AHCY: variants seen among roughly 807,000 people sequenced by gnomAD.
The protein encoded by AHCY is S-adenosyl-L-homocysteine hydrolase.
In AHCY, 24 loss-of-function variants were observed where a neutral mutation model predicts 45.4. The ratio of observed to expected loss-of-function variants is 0.53; its 90% CI spans 0.38 to 0.74. The LOEUF (loss-of-function observed/expected upper bound fraction) is 0.74, where lower values mean the gene tolerates loss of function less well. AHCY is among the 30% of genes least tolerant of loss of function. The pLI, the probability that AHCY is intolerant of heterozygous loss-of-function variation, is 0.00. For synonymous variants in AHCY, 245 were observed against 235.1 expected, an observed-to-expected ratio of 1.04 and a Z score of -0.39; for missense variants, 449 against 594.1, an observed-to-expected ratio of 0.76 and a Z score of 2.54.
intron 8 of AHCY, among the ~76,000 whole-genome samples, chr20:34,288,203 T>C (rs1467566037): frequency 6.6e-6 from 1 of 151,702 alleles, no homozygotes; most frequent in Non-Finnish European, 1.5e-5. Context: ...AGAGGAGCAG[T>C]GTAGGGGATG....
At chr20:34,236,068 AAGAAAG>A in the AHCY span, among the ~76,000 whole-genome samples, 1 of 144,588 alleles carries the variant, frequency 6.9e-6, no homozygotes. Context: ...GAGAGAGAGA[AAGAAAG>A]AGAAAGAGAA....
chr20:34,240,158 G>A, the AHCY span, among the ~76,000 whole-genome samples: 7 of 152,190 alleles, frequency 4.6e-5, no homozygotes, highest in African/African-American at 1.4e-4. Flanking sequence ...GGGAAAAAAA[G>A]AGAAAAAAGA....
chr20:34,268,845 C>G, the AHCY span: 6 of 970,408 alleles, frequency 6.2e-6, no homozygotes, highest in Non-Finnish European at 9.3e-6. Context: ...GGGAATCTGA[C>G]TGGGGGAGCG....
the AHCY span, among the ~76,000 whole-genome samples, chr20:34,255,561 G>T: frequency 6.6e-6 from 1 of 152,154 alleles, no homozygotes; most frequent in African/African-American, 2.4e-5. Flanking sequence ...ACTAGAAATA[G>T]ATTATAGATG....
rs748855369 is a variant in AHCY, at chr20:34,285,625, A to C, written c.982T>G (p.Tyr328Asp). 2.4e-5 allele frequency: 39 copies of C among 1,613,188 alleles called. No individual in the cohort carries two copies. Among genetic ancestry groups the C allele is most frequent in the Non-Finnish European group, 3.3e-5 (39 of 1,179,964 alleles). The change falls in exon 9 of 10, where the codon TAT becomes GAT. Residue 328 changes from tyrosine to aspartate, a missense_variant. Transcript: ENST00000217426. ...KVNIKPQVDR[Y>D]RLKNGRRIIL... ...ATGCGGCGCCCATTCTTCAACCGAT[A>C]CCGGTCCACCTACACGCAGGCAGGG... is the stretch of plus-strand genomic sequence containing the variant.
intron 3 of AHCY, among the ~76,000 whole-genome samples, chr20:34,293,086 T>C (rs114977410): frequency 0.013 from 2,051 of 152,294 alleles, 48 homozygotes; most frequent in African/African-American, 0.047. Context: ...ACTTGCTTTC[T>C]GCCAGACATG....
Position 34,308,747 on chromosome 20 carries a change from G to A in AHCY, c.-57+2725C>T, listed in dbSNP as rs537268705. Among the ~76,000 whole-genome samples, 8 of 151,012 alleles carry A rather than the reference G, an allele frequency of 5.3e-5. 1 individual carries two copies. In the South Asian group the frequency reaches 1.0e-3, roughly 20 times the overall value. On this transcript the variant is annotated intron_variant, in intron 1 of 9. Transcript: ENST00000538132. ...CTGTTCACTGCAACCTCCGCCTCCC[G>A]GGTTCAAGCGATTCTCCTGCCTCAG...
chr20:34,304,914 C>T (rs1167119681), upstream of AHCY, among the ~76,000 whole-genome samples: 1 of 151,682 alleles, frequency 6.6e-6, no homozygotes, highest in African/African-American at 2.4e-5. Flanking sequence ...TCTCGAACTC[C>T]CGACCTCAGG....
At chr20:34,279,281 C>T (rs961352351), downstream of AHCY, among the ~76,000 whole-genome samples, 1 of 148,462 alleles carries the variant, frequency 6.7e-6, no homozygotes, top group African/African-American at 2.5e-5. Context: ...ATTTGCCGGG[C>T]GTGGTGGCGG....
the AHCY span, among the ~76,000 whole-genome samples, chr20:34,236,963 T>C: frequency 6.6e-6 from 1 of 152,216 alleles, no homozygotes; most frequent in African/African-American, 2.4e-5. Flanking sequence ...TGAAAAAAAC[T>C]CTTATTTCCC....
At position 34,290,823 on chromosome 20, in the gene AHCY, C is replaced by G. The variant is rs370463829; in HGVS notation, c.674G>C (p.Gly225Ala). ...VAVVAGYGDV[G>A]KGCAQALRGF... The stretch of plus-strand genomic sequence containing the variant: ...CCGCAGGGCCTGGGCACAGCCCTTG[C>G]CCACATCACCATAGCCTGCTACCAC... Residue 225 changes from glycine to alanine, a missense_variant, in exon 6 of 10, where the codon GGC becomes GCC. Gly to Ala is a moderately conservative substitution (Grantham distance 60). Transcript: ENST00000217426. The surrounding 1 kb of genome is among the most constrained non-coding windows in gnomAD (Gnocchi z 4.5). The G allele has an allele frequency of 6.2e-7, 1 of 1,614,050 alleles. No individual in the cohort carries two copies. Among genetic ancestry groups the G allele is most frequent in the African/African-American group, 1.3e-5 (1 of 74,918 alleles).
At chr20:34,278,093 T>TG (rs2035924379), downstream of AHCY, among the ~76,000 whole-genome samples, 1 of 152,072 alleles carries the variant, frequency 6.6e-6, no homozygotes, top group Admixed American at 6.6e-5. Flanking sequence ...ATTGGGGTAT[T>TG]GGGGGTGGAG....
the AHCY span, chr20:34,245,932 A>G: frequency 4.6e-6 from 7 of 1,523,852 alleles, no homozygotes; most frequent in Non-Finnish European, 5.4e-6. Context: ...CAGGCCATTA[A>G]ATACAGACAA....
the AHCY span, among the ~76,000 whole-genome samples, chr20:34,272,008 C>G: frequency 6.6e-6 from 1 of 150,450 alleles, no homozygotes; most frequent in Non-Finnish European, 1.5e-5. Context: ...CCTGGGGAGA[C>G]TTGGGGACCT....
chr20:34,233,128 T>C, the AHCY span, among the ~76,000 whole-genome samples: 1 of 148,566 alleles, frequency 6.7e-6, no homozygotes, highest in Non-Finnish European at 1.5e-5. Context: ...GAGTCAACTG[T>C]GAATGGGACA....
At chr20:34,262,764 CT>C in the AHCY span, 1 of 1,579,942 alleles carries the variant, frequency 6.3e-7, no homozygotes, top group East Asian at 2.2e-5. Context: ...CCCTCTGCCC[CT>C]CTCACTTCAC....
the AHCY span, among the ~76,000 whole-genome samples, chr20:34,254,928 TGTATGGTTCTACCA>T: frequency 6.6e-6 from 1 of 152,188 alleles, no homozygotes; most frequent in Non-Finnish European, 1.5e-5. Context: ...TCAGTCCAAC[TGTATGGTTCTACCA>T]GGAGAACTGT....
At chr20:34,235,840 A>AG in the AHCY span, among the ~76,000 whole-genome samples, 1 of 53,754 alleles carries the variant, frequency 1.9e-5, no homozygotes, top group African/African-American at 1.9e-4. Context: ...AAAGAAAGAA[A>AG]GAAGGAAGGA....
the AHCY span, among the ~76,000 whole-genome samples, chr20:34,239,409 G>A: frequency 6.6e-6 from 1 of 152,058 alleles, no homozygotes; most frequent in Admixed American, 6.5e-5. Flanking sequence ...TAGAGACGGG[G>A]TATCACCATG....
Sources: allele counts gnomAD v4.1 joint callset (sites outside exome capture counted in the v4.1 genomes callset), GRCh38; gene constraint gnomAD v4.1.1; non-coding constraint Gnocchi (gnomAD v3.1); transcripts MANE v1.5; gene names NCBI Gene and HGNC (gene_info 2026-07-23, HGNC 2026-07-21).